BANK1: variants seen among roughly 807,000 people sequenced by gnomAD.
BANK1 encodes the protein B cell scaffold protein with ankyrin repeats 1, also known as B-cell scaffold protein with ankyrin repeats.
BANK1 carries 95 observed loss-of-function variants against 94.5 expected under a neutral mutation model. The observed-to-expected ratio is 1.00, with a 90% CI of 0.85 to 1.19. The LOEUF (loss-of-function observed/expected upper bound fraction) is 1.19, where lower values mean the gene tolerates loss of function less well. BANK1 is among the 50% of genes most tolerant of loss of function. The pLI, the probability that BANK1 is intolerant of heterozygous loss-of-function variation, is 0.00. For synonymous variants in BANK1, 334 were observed against 308.4 expected (o/e 1.08, Z -0.87); for missense variants, 987 against 932.2 (o/e 1.06, Z -0.77).
rs1304206082 is a variant in BANK1 at position 101,831,703 on chromosome 4, A to T, written c.469+1497A>T. 2.0e-5 allele frequency among the ~76,000 whole-genome samples: 3 copies of T among 152,224 alleles called. No homozygotes were observed. In the East Asian group the frequency reaches 5.8e-4, roughly 30 times the overall value. The stretch of plus-strand genomic sequence containing the variant: ...TTGGCCAGGCTGGTCTCAAACTCCT[A>T]ACCTCAAGTGATCAGCCCACCTTGG... On this transcript the variant is annotated intron_variant, in intron 2 of 16. Coordinates refer to ENST00000322953, the MANE Select transcript of BANK1 (RefSeq NM_017935.5).
intron 7 of BANK1, among the ~76,000 whole-genome samples, chr4:102,001,515 G>C (rs1337013140): frequency 6.6e-6 from 1 of 152,190 alleles, no homozygotes; most frequent in Non-Finnish European, 1.5e-5. Context: ...CAGGAGAATT[G>C]CTTGAACCCG....
At chr4:101,957,430 T>A (rs1438179089) in intron 7 of BANK1, among the ~76,000 whole-genome samples, 4 of 152,182 alleles carry the variant, frequency 2.6e-5, no homozygotes, top group Non-Finnish European at 5.9e-5. Context: ...GACACTATCC[T>A]CTCTCAGAAG....
intron 5 of BANK1, among the ~76,000 whole-genome samples, chr4:101,887,394 C>T (rs1212636427): frequency 1.3e-5 from 2 of 152,326 alleles, no homozygotes; most frequent in East Asian, 3.9e-4. Context: ...TGGAGGGTCA[C>T]ATCTCCTTAT....
chr4:101,914,360 T>TA (rs1427061734), intron 6 of BANK1, among the ~76,000 whole-genome samples: 1 of 152,084 alleles, frequency 6.6e-6, no homozygotes, highest in Non-Finnish European at 1.5e-5. Flanking sequence ...ACAGGGGCCA[T>TA]AGCTTCTCTC....
Position 102,066,537 on chromosome 4 carries a change from G to A in BANK1, c.2212+3399G>A, listed in dbSNP as rs1261723095. Among the ~76,000 whole-genome samples the A allele has an allele frequency of 3.3e-5, 5 of 152,226 alleles. 1 individual carries two copies. The highest frequency in any genetic ancestry group is 4.8e-5 in the African/African-American group (2 of 41,548). On this transcript the variant is annotated intron_variant, in intron 13 of 16. Transcript: ENST00000322953. ...CTCCCAAAGTGCTGGGATTACAGGC[G>A]TGAGCCAATGCGACCAGCCAATAAC... is the stretch of plus-strand genomic sequence containing the variant.
chr4:101,986,785 G>GTGTGTATATATA (rs1560667972), intron 7 of BANK1, among the ~76,000 whole-genome samples: 1 of 78,846 alleles, frequency 1.3e-5, no homozygotes, highest in Non-Finnish European at 3.3e-5. Context: ...AATTATATAT[G>GTGTGTATATATA]TGTGTATATA....
intron 6 of BANK1, among the ~76,000 whole-genome samples, chr4:101,915,522 G>A (rs1447130452): frequency 6.6e-6 from 1 of 152,068 alleles, no homozygotes; most frequent in Non-Finnish European, 1.5e-5. Flanking sequence ...TATCTTGTAT[G>A]AAGTTTCTTG....
chr4:101,960,571 TTAG>T (rs1724531506), intron 7 of BANK1, among the ~76,000 whole-genome samples: 5 of 151,952 alleles, frequency 3.3e-5, no homozygotes, highest in African/African-American at 1.2e-4. Context: ...AATGGAGAAC[TTAG>T]TAGCGGGCAA....
chr4:101,908,131 C>T (rs1560627415), intron 6 of BANK1, among the ~76,000 whole-genome samples: 1 of 152,184 alleles, frequency 6.6e-6, no homozygotes, highest in Admixed American at 6.6e-5. Flanking sequence ...AAGCCGGAGG[C>T]ATCACACTAC....
chr4:101,943,286 T>G (rs1213174086), intron 7 of BANK1, among the ~76,000 whole-genome samples: 1 of 151,938 alleles, frequency 6.6e-6, no homozygotes, highest in Non-Finnish European at 1.5e-5. Flanking sequence ...TGCAGGGTAG[T>G]GGCATGATAG....
intron 7 of BANK1, among the ~76,000 whole-genome samples, chr4:101,977,745 C>CA (rs891042450): frequency 6.6e-6 from 1 of 151,926 alleles, no homozygotes. Context: ...CTATCTTTAA[C>CA]AAAAAATGAG....
intron 8 of BANK1, among the ~76,000 whole-genome samples, chr4:102,022,363 C>T (rs1726943659): frequency 6.6e-6 from 1 of 152,148 alleles, no homozygotes; most frequent in Non-Finnish European, 1.5e-5. Context: ...TTTTTACTTT[C>T]TCTCCTACCC....
chr4:101,808,096 A>T lies in BANK1; in HGVS notation c.70+17146A>T, dbSNP rs201819592. Among the ~76,000 whole-genome samples the T allele has an allele frequency of 7.9e-3, 1,188 of 149,612 alleles. 30 individuals carry two copies. The highest frequency in any genetic ancestry group is 0.026 in the African/African-American group (1,077 of 40,726). On this transcript the variant is annotated intron_variant, in intron 1 of 16. Coordinates refer to ENST00000322953, the MANE Select transcript of BANK1 (RefSeq NM_017935.5). The stretch of plus-strand genomic sequence containing the variant: ...AGCAAGACTCTCAAAAAAAAAAAAA[A>T]GAAATGAAATTTAAAAAAATAAAAA...
At chr4:101,911,358 G>C (rs1414072760) in intron 6 of BANK1, among the ~76,000 whole-genome samples, 1 of 152,162 alleles carries the variant, frequency 6.6e-6, no homozygotes, top group African/African-American at 2.4e-5. Context: ...CTATTACAAT[G>C]AATAACTTAT....
chr4:101,880,996 C>A (rs1012377902), intron 5 of BANK1, among the ~76,000 whole-genome samples: 1 of 152,094 alleles, frequency 6.6e-6, no homozygotes, highest in South Asian at 2.1e-4. Context: ...AACAACTCTC[C>A]AGGACATTGG....
chr4:101,897,051 T>G (rs1412077086), intron 6 of BANK1, among the ~76,000 whole-genome samples: 1 of 151,936 alleles, frequency 6.6e-6, no homozygotes, highest in Non-Finnish European at 1.5e-5. Flanking sequence ...ATTTCAAAAG[T>G]CTTAATTAGG....
chr4:101,936,407 G>A (rs911832865), intron 7 of BANK1, among the ~76,000 whole-genome samples: 8 of 149,820 alleles, frequency 5.3e-5, no homozygotes, highest in African/African-American at 1.5e-4. Flanking sequence ...ATATATGTGC[G>A]TATGCATGTA....
intron 2 of BANK1, among the ~76,000 whole-genome samples, chr4:101,837,066 T>C (rs1477770213): frequency 6.6e-6 from 1 of 152,224 alleles, no homozygotes; most frequent in Non-Finnish European, 1.5e-5. Context: ...ACGTCACCTA[T>C]GGAATAAAGT....
At chr4:101,861,173 A>G (rs1727861849) in intron 3 of BANK1, among the ~76,000 whole-genome samples, 1 of 151,920 alleles carries the variant, frequency 6.6e-6, no homozygotes, top group Admixed American at 6.6e-5. Context: ...TCTGAGGAGA[A>G]ATTTAGTTTT....
Sources: allele counts gnomAD v4.1 joint callset (sites outside exome capture counted in the v4.1 genomes callset), GRCh38; gene constraint gnomAD v4.1.1; transcripts MANE v1.5; gene names NCBI Gene and HGNC (gene_info 2026-07-23, HGNC 2026-07-21).